NLGN1: variants seen among roughly 807,000 people sequenced by gnomAD.
NLGN1 encodes neuroligin 1, also known as neuroligin-1.
In NLGN1, 12 loss-of-function variants were observed where a neutral mutation model predicts 65.5. The observed-to-expected ratio is 0.18, with a 90% CI of 0.12 to 0.30. The LOEUF (loss-of-function observed/expected upper bound fraction) is 0.30. NLGN1 is among the 10% of genes least tolerant of loss of function. NLGN1 has a pLI of 1.00. For synonymous variants in NLGN1, 350 were observed against 359.5 expected, an observed-to-expected ratio of 0.97 and a Z score of 0.30; for missense variants, 750 against 1,007.1, an observed-to-expected ratio of 0.74 and a Z score of 3.46.
intron 4 of NLGN1, among the ~76,000 whole-genome samples, chr3:173,969,075 AT>A (rs1315330582): frequency 6.7e-6 from 1 of 148,962 alleles, no homozygotes; most frequent in African/African-American, 2.5e-5. Context: ...AAAAAAAAAA[AT>A]TTGTTACTGT....
intron 3 of NLGN1, among the ~76,000 whole-genome samples, chr3:173,745,672 C>A (rs1193296288): frequency 6.6e-6 from 1 of 151,996 alleles, no homozygotes; most frequent in Non-Finnish European, 1.5e-5. Context: ...TGCCCTAGAT[C>A]ACACTGCAGG....
chr3:174,209,574 A>T (rs1736045800), intron 4 of NLGN1, among the ~76,000 whole-genome samples: 1 of 149,570 alleles, frequency 6.7e-6, no homozygotes, highest in Non-Finnish European at 1.5e-5. Flanking sequence ...GCTGTTCACC[A>T]CATTGGTACA....
At chr3:173,462,719 T>A (rs1200200705) in intron 2 of NLGN1, among the ~76,000 whole-genome samples, 2 of 152,180 alleles carry the variant, frequency 1.3e-5, no homozygotes, top group Non-Finnish European at 2.9e-5. Context: ...TATTTCTGTT[T>A]CAACTTATTT....
chr3:173,930,229 C>T (rs1290066501), intron 4 of NLGN1, among the ~76,000 whole-genome samples: 3 of 152,060 alleles, frequency 2.0e-5, no homozygotes, highest in Non-Finnish European at 4.4e-5. Flanking sequence ...AAATGTAAAT[C>T]GCATATTATT....
At chr3:173,623,270 T>G (rs1754301365) in intron 3 of NLGN1, among the ~76,000 whole-genome samples, 1 of 151,924 alleles carries the variant, frequency 6.6e-6, no homozygotes, top group Non-Finnish European at 1.5e-5. Flanking sequence ...CCACTGACTG[T>G]GTCAAGGAGT....
chr3:174,261,659 T>C (rs2152859503), intron 4 of NLGN1, among the ~76,000 whole-genome samples: 1 of 135,420 alleles, frequency 7.4e-6, no homozygotes, highest in African/African-American at 2.8e-5. Context: ...CCTCTTTTCC[T>C]AATTGAATAC....
intron 4 of NLGN1, among the ~76,000 whole-genome samples, chr3:174,017,916 A>T (rs1203986685): frequency 6.6e-6 from 1 of 152,144 alleles, no homozygotes; most frequent in Non-Finnish European, 1.5e-5. Flanking sequence ...GAGAGCAGAC[A>T]ACTGGTCTGA....
intron 4 of NLGN1, among the ~76,000 whole-genome samples, chr3:174,125,439 C>G (rs113573367): frequency 4.6e-5 from 7 of 152,118 alleles, no homozygotes; most frequent in South Asian, 2.1e-4. Context: ...GATGTGTGGG[C>G]TGAACAACTA....
rs1734448186 is a variant in NLGN1, at chr3:173,886,921, T to C, written c.646+79089T>C. 2.6e-5 allele frequency among the ~76,000 whole-genome samples: 4 copies of C among 152,024 alleles called. No individual in the cohort carries two copies. In the South Asian group the frequency reaches 8.3e-4, roughly 32 times the overall value. The stretch of plus-strand genomic sequence containing the variant: ...AAATATAGGCGAGTTCAAGAAAAAA[T>C]TGATTTAAAAAATATGGCTCTTTTT... On this transcript the variant is annotated intron_variant, in intron 4 of 6. Transcript: ENST00000457714.
At chr3:174,040,096 A>G (rs1201564322) in intron 4 of NLGN1, among the ~76,000 whole-genome samples, 2 of 152,102 alleles carry the variant, frequency 1.3e-5, no homozygotes, top group East Asian at 3.9e-4. Flanking sequence ...TTGGCTCCCC[A>G]CTATTGATGG....
At chr3:174,144,920 G>A (rs1032050596) in intron 4 of NLGN1, among the ~76,000 whole-genome samples, 1 of 152,106 alleles carries the variant, frequency 6.6e-6, no homozygotes, top group African/African-American at 2.4e-5. Context: ...GATCCCATTT[G>A]TCAATTTTGG....
chr3:174,233,257 G>A (rs568795034), intron 4 of NLGN1, among the ~76,000 whole-genome samples: 11 of 152,200 alleles, frequency 7.2e-5, no homozygotes, highest in African/African-American at 2.6e-4. Context: ...TGAGGCGGGA[G>A]GAGTTCGACC....
At chr3:174,173,380 T>A (rs911635863) in intron 4 of NLGN1, among the ~76,000 whole-genome samples, 23 of 152,090 alleles carry the variant, frequency 1.5e-4, no homozygotes, top group Non-Finnish European at 1.0e-4. Context: ...ATCCTTGTCA[T>A]GTTCTAGATC....
intron 3 of NLGN1, among the ~76,000 whole-genome samples, chr3:173,694,788 G>A (rs1253636500): frequency 1.3e-5 from 2 of 152,220 alleles, no homozygotes; most frequent in East Asian, 3.9e-4. Flanking sequence ...ATTTTGTGTT[G>A]CCTTTTATTG....
chr3:173,749,275 A>G (rs722473), intron 3 of NLGN1, among the ~76,000 whole-genome samples: 14,928 of 152,058 alleles, frequency 0.098, 818 homozygotes, highest in South Asian at 0.26. Context: ...CTAGATTTCC[A>G]AAGTCATTTT....
chr3:174,289,897 TTA>T (rs555893028), downstream of NLGN1, among the ~76,000 whole-genome samples: 15 of 125,972 alleles, frequency 1.2e-4, no homozygotes, highest in Non-Finnish European at 1.6e-4. Context: ...TGGGGGCACT[TTA>T]TATATATATA....
At chr3:173,412,779 C>T (rs1712855144) in intron 1 of NLGN1, among the ~76,000 whole-genome samples, 1 of 152,214 alleles carries the variant, frequency 6.6e-6, no homozygotes, top group African/African-American at 2.4e-5. Context: ...ACTTTGACAG[C>T]ATCAGGCATA....
intron 3 of NLGN1, among the ~76,000 whole-genome samples, chr3:173,665,003 G>A (rs373242547): frequency 6.6e-6 from 1 of 152,076 alleles, no homozygotes; most frequent in African/African-American, 2.4e-5. Context: ...ACTGGCATAT[G>A]GTTGGTCCTT....
At chr3:174,245,192 G>T (rs1344915268) in intron 4 of NLGN1, among the ~76,000 whole-genome samples, 1 of 152,066 alleles carries the variant, frequency 6.6e-6, no homozygotes, top group Non-Finnish European at 1.5e-5. Context: ...ATTCCATTTG[G>T]GAAGTGGAGA....
Sources: allele counts gnomAD v4.1 joint callset (sites outside exome capture counted in the v4.1 genomes callset), GRCh38; gene constraint gnomAD v4.1.1; transcripts MANE v1.5; gene names NCBI Gene and HGNC (gene_info 2026-07-23, HGNC 2026-07-21).